ZFHX3: variants seen among roughly 807,000 people sequenced by gnomAD.
The protein encoded by ZFHX3 is zinc finger homeobox 3.
ZFHX3 carries 42 observed loss-of-function variants against 279.1 expected under a neutral mutation model. The ratio of observed to expected loss-of-function variants is 0.15; its 90% CI spans 0.12 to 0.19. The LOEUF (loss-of-function observed/expected upper bound fraction) is 0.19, where lower values mean the gene tolerates loss of function less well. Among genes scored for constraint, ZFHX3 ranks in the 10% least tolerant of loss-of-function variants. The pLI is 1.00. For synonymous variants in ZFHX3, 2,293 were observed against 1,957.8 expected (o/e 1.17, Z -4.52); for missense variants, 4,981 against 4,754.0 (o/e 1.05, Z -1.40).
Position 72,795,001 on chromosome 16 carries a change from T to A in ZFHX3, c.7681A>T (p.Ile2561Phe). Residue 2561 changes from isoleucine (I) to phenylalanine (F), a missense_variant, in exon 9 of 10, where the codon ATC becomes TTC. This residue lies in a region of ZFHX3 where 744 missense variants were observed against 701.3 expected (regional missense o/e 1.06). Coordinates refer to ENST00000268489, the MANE Select transcript of ZFHX3 (RefSeq NM_006885.4). Reference protein sequence around the residue: ...LHFLSAQNQFIHPQFLDRSLD... With the variant: ...LHFLSAQNQFFHPQFLDRSLD... ...GACCTGTCCAAAAACTGGGGGTGGA[T>A]GAACTGGTTCTGCGCGCTCAGGAAG... is the stretch of plus-strand genomic sequence containing the variant. 1 of 1,614,188 alleles carries A rather than the reference T, an allele frequency of 6.2e-7. No homozygotes were observed. Among genetic ancestry groups the A allele is most frequent in the Non-Finnish European group, 8.5e-7 (1 of 1,180,042 alleles).
intron 1 of ZFHX3, among the ~76,000 whole-genome samples, chr16:73,791,270 TTC>T (rs1310257213): frequency 9.2e-5 from 14 of 152,016 alleles, no homozygotes; most frequent in Admixed American, 8.5e-4. Context: ...CAGCCCCAAC[TTC>T]TCTTTTGACT....
chr16:73,717,257 AT>A (rs1252649042), intron 1 of ZFHX3, among the ~76,000 whole-genome samples: 4 of 152,144 alleles, frequency 2.6e-5, no homozygotes, highest in Non-Finnish European at 5.9e-5. Flanking sequence ...TTGTTTGCTT[AT>A]TTATTTACTT....
chr16:73,370,281 C>T (rs997628795), intron 3 of ZFHX3, among the ~76,000 whole-genome samples: 24 of 152,368 alleles, frequency 1.6e-4, no homozygotes, highest in African/African-American at 4.1e-4. Flanking sequence ...GGAGTCAGAA[C>T]GGCTACATCT....
At chr16:73,699,059 A>G (rs994495307) in intron 1 of ZFHX3, among the ~76,000 whole-genome samples, 34 of 152,074 alleles carry the variant, frequency 2.2e-4, no homozygotes, top group Non-Finnish European at 4.6e-4. Context: ...TAATTGCTGA[A>G]TTTTTAGTAG....
intron 1 of ZFHX3, among the ~76,000 whole-genome samples, chr16:73,758,173 G>T (rs1016060335): frequency 1.3e-5 from 2 of 152,066 alleles, no homozygotes; most frequent in Non-Finnish European, 2.9e-5. Flanking sequence ...GCACAGCCCT[G>T]GTTGTTACAA....
At chr16:73,129,714 A>T (rs8056268) in intron 7 of ZFHX3, among the ~76,000 whole-genome samples, 22 of 147,494 alleles carry the variant, frequency 1.5e-4, no homozygotes, top group Non-Finnish European at 6.0e-5. Context: ...GTGCATGTGT[A>T]TGTGTGTGTG....
At chr16:73,556,878 G>C (rs757265351) in intron 2 of ZFHX3, among the ~76,000 whole-genome samples, 2 of 151,980 alleles carry the variant, frequency 1.3e-5, no homozygotes, top group Admixed American at 1.3e-4. Flanking sequence ...GGCAGATCAC[G>C]AGGTCAAGGG....
intron 2 of ZFHX3, among the ~76,000 whole-genome samples, chr16:73,528,524 C>T (rs1421306337): frequency 6.6e-6 from 1 of 152,106 alleles, no homozygotes; most frequent in African/African-American, 2.4e-5. Flanking sequence ...GAAATTAATG[C>T]GTGGACACTA....
intron 4 of ZFHX3, among the ~76,000 whole-genome samples, chr16:72,882,111 C>T (rs1597342126): frequency 1.3e-5 from 2 of 151,590 alleles, no homozygotes; most frequent in East Asian, 3.9e-4. Context: ...TCAACAAATG[C>T]AAACACACCC....
chr16:73,001,828 AG>A (rs777763928), intron 1 of ZFHX3, among the ~76,000 whole-genome samples: 2 of 151,338 alleles, frequency 1.3e-5, no homozygotes, highest in Admixed American at 6.6e-5. Flanking sequence ...CAAAAAAAAA[AG>A]GGGGGGAAAG....
chr16:73,757,670 G>C (rs752970291), intron 1 of ZFHX3, among the ~76,000 whole-genome samples: 29 of 152,154 alleles, frequency 1.9e-4, no homozygotes, highest in Non-Finnish European at 4.1e-4. Context: ...TATTATGTGA[G>C]GGCATTTGTG....
chr16:73,542,148 A>G (rs1428773556), intron 2 of ZFHX3, among the ~76,000 whole-genome samples: 1 of 151,976 alleles, frequency 6.6e-6, no homozygotes, highest in East Asian at 1.9e-4. Context: ...CAGCTCCCTT[A>G]GTGATGTCAA....
chr16:73,396,179 T>C (rs2017125900), intron 3 of ZFHX3, among the ~76,000 whole-genome samples: 1 of 152,186 alleles, frequency 6.6e-6, no homozygotes, highest in African/African-American at 2.4e-5. Context: ...GGCGGGCATC[T>C]TTCTCCACTC....
upstream of ZFHX3, among the ~76,000 whole-genome samples, chr16:73,064,336 T>G (rs929623807): frequency 6.6e-5 from 10 of 152,112 alleles, no homozygotes; most frequent in Non-Finnish European, 1.0e-4. Context: ...GATTTTAGCT[T>G]CTGCTTCCAG....
chr16:73,862,154 C>G (rs541153990), intron 1 of ZFHX3, among the ~76,000 whole-genome samples: 2 of 152,296 alleles, frequency 1.3e-5, no homozygotes, highest in East Asian at 3.9e-4. Flanking sequence ...AAACCAGTAG[C>G]CATGGCACCA....
At chr16:73,802,428 A>T (rs1960171239) in intron 1 of ZFHX3, among the ~76,000 whole-genome samples, 1 of 152,222 alleles carries the variant, frequency 6.6e-6, no homozygotes, top group Non-Finnish European at 1.5e-5. Context: ...TCTTTTGATG[A>T]CCATGACTTT....
rs548407971 is a variant in ZFHX3 at position 73,488,857 on chromosome 16, C to T, written c.-1546-32599G>A. ...CGTTTGTTCTAGAAAGAACCAAATG[C>T]CAGCTTAACCACCCACTATTTAGTG... On this transcript the variant is annotated intron_variant, in intron 2 of 17. Transcript: ENST00000641206. 6.6e-5 allele frequency among the ~76,000 whole-genome samples: 10 copies of T among 152,252 alleles called. No homozygotes were observed. In the East Asian group the frequency reaches 1.5e-3, roughly 24 times the overall value.
chr16:72,824,536 T>C (rs1203361230), intron 5 of ZFHX3, among the ~76,000 whole-genome samples: 5 of 152,166 alleles, frequency 3.3e-5, no homozygotes, highest in African/African-American at 1.2e-4. Context: ...AGTTGAGCTA[T>C]TTCCCTGCTT....
chr16:73,556,597 G>C (rs2020286637), intron 2 of ZFHX3, among the ~76,000 whole-genome samples: 1 of 151,766 alleles, frequency 6.6e-6, no homozygotes, highest in Non-Finnish European at 1.5e-5. Context: ...GGGGTTTTCA[G>C]GGTGGCAGGG....
Sources: allele counts gnomAD v4.1 joint callset (sites outside exome capture counted in the v4.1 genomes callset), GRCh38; gene constraint gnomAD v4.1.1; regional missense constraint gnomAD v4.1.1; transcripts MANE v1.5; gene names NCBI Gene and HGNC (gene_info 2026-07-23, HGNC 2026-07-21).